WWOX: variants seen among roughly 807,000 people sequenced by gnomAD.
The protein encoded by WWOX is WW domain containing oxidoreductase.
Under a neutral mutation model 46.2 loss-of-function variants are expected in WWOX, and 69 were observed. The observed-to-expected ratio is 1.49, with a 90% CI of 1.23 to 1.82. The LOEUF (loss-of-function observed/expected upper bound fraction) is 1.82, where lower values mean the gene tolerates loss of function less well. Among genes scored for constraint, WWOX ranks in the 40% most tolerant of loss-of-function variants. The pLI is 0.00. For missense variants in WWOX, 919 were observed against 542.6 expected, an observed-to-expected ratio of 1.69 and a Z score of -6.89; for synonymous variants, 359 against 202.6, an observed-to-expected ratio of 1.77 and a Z score of -6.56.
At chr16:78,996,869 A>G (rs1018722782) in intron 8 of WWOX, among the ~76,000 whole-genome samples, 8 of 152,228 alleles carry the variant, frequency 5.3e-5, no homozygotes, top group African/African-American at 1.9e-4. Flanking sequence ...TGTGCCATAA[A>G]TGCTGCAGAG....
intron 5 of WWOX, among the ~76,000 whole-genome samples, chr16:78,286,633 T>C (rs1473882259): frequency 1.3e-5 from 2 of 152,150 alleles, no homozygotes; most frequent in Non-Finnish European, 2.9e-5. Context: ...TTTTCACTGA[T>C]GCACTTTTGG....
rs138806967 is a variant in WWOX at position 78,594,429 on chromosome 16, G to GCCCCCCCCCCCCCCCCCCCCCCCCC, written c.1056+161693_1056+161694insCCCCCCCCCCCCCCCCCCCCCCCCC. Among the ~76,000 whole-genome samples the GCCCCCCCCCCCCCCCCCCCCCCCCC allele has an allele frequency of 1.5e-4, 5 of 32,380 alleles. 1 individual carries two copies. Among genetic ancestry groups the GCCCCCCCCCCCCCCCCCCCCCCCCC allele is most frequent in the Non-Finnish European group, 2.1e-4 (4 of 19,080 alleles). 21.2% of individuals were successfully genotyped at this position (32,380 alleles called of 152,430 possible). A position where few individuals can be genotyped will look rare whatever the true frequency, so the allele number is the denominator to read the frequency against. ...TCTTGACGAAGAAGACTGAGGAAAG[G>GCCCCCCCCCCCCCCCCCCCCCCCCC]CCCCCCCCCCCCCCCCGCCAAATTG... On this transcript the variant is annotated intron_variant, in intron 8 of 8. Coordinates refer to ENST00000566780, the MANE Select transcript of WWOX (RefSeq NM_016373.4).
At chr16:78,740,127 T>C (rs1402884213) in intron 8 of WWOX, among the ~76,000 whole-genome samples, 3 of 152,122 alleles carry the variant, frequency 2.0e-5, no homozygotes, top group Non-Finnish European at 4.4e-5. Flanking sequence ...CATGTAGCAC[T>C]GCTGAGTTTG....
At chr16:79,026,657 G>A (rs1046193304) in intron 8 of WWOX, among the ~76,000 whole-genome samples, 9 of 124,824 alleles carry the variant, frequency 7.2e-5, no homozygotes, top group East Asian at 2.3e-4. Flanking sequence ...TCCCTCTGTC[G>A]CCTAGGCTGC....
chr16:78,578,254 T>TTATATA (rs1194130355), intron 8 of WWOX, among the ~76,000 whole-genome samples: 1,068 of 31,540 alleles, frequency 0.034, 73 homozygotes, highest in Middle Eastern at 0.071. Context: ...ATACCAAATT[T>TTATATA]TATATATATA....
intron 8 of WWOX, among the ~76,000 whole-genome samples, chr16:79,058,532 G>A (rs182610762): frequency 1.1e-4 from 16 of 152,228 alleles, no homozygotes; most frequent in Non-Finnish European, 1.9e-4. Flanking sequence ...GAGGAGGCAA[G>A]TATATTAGTC....
At chr16:78,645,148 G>A (rs2738586) in intron 8 of WWOX, among the ~76,000 whole-genome samples, 130,874 of 152,104 alleles carry the variant, frequency 0.86, 56,935 homozygotes, top group Middle Eastern at 0.93. Flanking sequence ...ACCAGAATCT[G>A]TCAAGCTCTT....
intron 8 of WWOX, among the ~76,000 whole-genome samples, chr16:78,800,980 C>G (rs1436603940): frequency 6.6e-6 from 1 of 151,740 alleles, no homozygotes; most frequent in Non-Finnish European, 1.5e-5. Context: ...TAAATGCAAA[C>G]TATCACCCCA....
At chr16:78,592,314 G>A (rs530935742) in intron 8 of WWOX, among the ~76,000 whole-genome samples, 1 of 152,212 alleles carries the variant, frequency 6.6e-6, no homozygotes, top group Non-Finnish European at 1.5e-5. Context: ...GTGGAATTTT[G>A]GCAAGGCTAG....
At position 78,611,860 on chromosome 16, in the gene WWOX, G is replaced by C. The variant is rs80022932; in HGVS notation, c.1056+179108G>C. Among the ~76,000 whole-genome samples the C allele has an allele frequency of 2.9e-3, 448 of 152,346 alleles. 2 individuals are homozygous for C. The highest frequency in any genetic ancestry group is 0.01 in the African/African-American group (426 of 41,580). On this transcript the variant is annotated intron_variant, in intron 8 of 8. Coordinates refer to ENST00000566780, the MANE Select transcript of WWOX (RefSeq NM_016373.4). ...AAAGGATCTTAAAGTTTCTACTTTGGAAGGGGCGTGGCATTGCTTCTCTCA... is the reference window on the plus strand; with the variant it reads ...AAAGGATCTTAAAGTTTCTACTTTGCAAGGGGCGTGGCATTGCTTCTCTCA...
intron 8 of WWOX, among the ~76,000 whole-genome samples, chr16:78,578,145 G>A (rs928413403): frequency 6.7e-6 from 1 of 150,222 alleles, no homozygotes; most frequent in Non-Finnish European, 1.5e-5. Flanking sequence ...TTAAGCTGTT[G>A]TTGATGCTTT....
chr16:79,212,391 A>AAAGT lies in WWOX; in HGVS notation c.*597_*600dup. 2.1e-6 allele frequency: 1 copy of AAAGT among 468,472 alleles called. No individual in the cohort carries two copies. Among genetic ancestry groups the AAAGT allele is most frequent in the South Asian group, 4.0e-5 (1 of 24,926 alleles). 29.0% of individuals were successfully genotyped at this position (468,472 alleles called of 1,614,324 possible). On this transcript the variant is annotated 3_prime_UTR_variant, in exon 9 of 9. Transcript: ENST00000566780. ...AGAATACGCAGAACTACCAGGTGGC[A>AAAGT]AAGTACTTGTCATAGACTCCTTTGC...
chr16:78,873,286 A>T (rs1033808218), intron 8 of WWOX: 11 of 152,250 alleles, frequency 7.2e-5, no homozygotes, highest in Non-Finnish European at 8.8e-5. Context: ...CTAATTACCA[A>T]CGTGTAGCTC....
chr16:78,132,361 C>T (rs1034537102), intron 4 of WWOX, among the ~76,000 whole-genome samples: 2 of 152,114 alleles, frequency 1.3e-5, no homozygotes, highest in Non-Finnish European at 2.9e-5. Flanking sequence ...AATTATGCAT[C>T]TTCTGAGTAA....
intron 8 of WWOX, among the ~76,000 whole-genome samples, chr16:79,076,679 G>A (rs926342363): frequency 6.6e-6 from 1 of 152,202 alleles, no homozygotes; most frequent in South Asian, 2.1e-4. Flanking sequence ...AGAGTCAGAC[G>A]GATCGAACTT....
intron 8 of WWOX, among the ~76,000 whole-genome samples, chr16:78,762,377 A>G (rs2049815643): frequency 6.6e-6 from 1 of 152,136 alleles, no homozygotes; most frequent in South Asian, 2.1e-4. Context: ...CTGAATTTTA[A>G]CCAGAGTCTC....
At chr16:78,293,950 C>A (rs1337911288) in intron 5 of WWOX, among the ~76,000 whole-genome samples, 1 of 116,296 alleles carries the variant, frequency 8.6e-6, no homozygotes, top group African/African-American at 3.3e-5. Context: ...GCACTCTAGC[C>A]TGGGCGACAG....
intron 8 of WWOX, among the ~76,000 whole-genome samples, chr16:78,956,850 A>G (rs1201027815): frequency 6.6e-6 from 1 of 152,180 alleles, no homozygotes; most frequent in Non-Finnish European, 1.5e-5. Context: ...GAAATTGTGA[A>G]GGAGAGTGTC....
chr16:78,280,874 T>G (rs1351253615), intron 5 of WWOX: 1 of 152,900 alleles, frequency 6.5e-6, no homozygotes, highest in Non-Finnish European at 1.5e-5. Context: ...TCATCAGAAT[T>G]GTGTATTTTG....
Sources: gnomAD v4.1 joint callset for allele counts (sites outside exome capture counted in the v4.1 genomes callset) on GRCh38, gnomAD v4.1.1 for gene constraint, MANE v1.5 for transcripts, NCBI Gene and HGNC (gene_info 2026-07-23, HGNC 2026-07-21) for gene names.